Variants in PARD3B observed in about 807,000 individuals in gnomAD.
PARD3B encodes par-3 family cell polarity regulator beta.
In PARD3B, 103 loss-of-function variants were observed where a neutral mutation model predicts 130.2. That is an observed-to-expected ratio of 0.79 (90% CI 0.67 to 0.93). The LOEUF is 0.93. Among genes scored for constraint, PARD3B ranks in the 40% least tolerant of loss-of-function variants. PARD3B has a pLI of 0.00. For synonymous variants in PARD3B, 583 were observed against 553.2 expected (o/e 1.05, Z -0.76); for missense variants, 1,609 against 1,499.2 (o/e 1.07, Z -1.21).
intron 15 of PARD3B, among the ~76,000 whole-genome samples, chr2:205,201,714 G>A (rs562152390): frequency 1.3e-5 from 2 of 152,296 alleles, no homozygotes; most frequent in African/African-American, 2.4e-5. Flanking sequence ...GCCCATGCCT[G>A]TAATCCCAGC....
chr2:204,814,704 A>G (rs2043084242), intron 2 of PARD3B, among the ~76,000 whole-genome samples: 1 of 151,810 alleles, frequency 6.6e-6, no homozygotes, highest in South Asian at 2.1e-4. Flanking sequence ...TAGGCTTTTC[A>G]TGGATCCCTT....
intron 20 of PARD3B, among the ~76,000 whole-genome samples, chr2:205,447,431 G>A (rs2047943947): frequency 6.6e-6 from 1 of 152,224 alleles, no homozygotes; most frequent in Admixed American, 6.5e-5. Context: ...AGGCTGGAGT[G>A]CAATGGCACG....
intron 2 of PARD3B, among the ~76,000 whole-genome samples, chr2:204,930,305 C>T (rs149708756): frequency 1.2e-4 from 18 of 151,970 alleles, no homozygotes; most frequent in Non-Finnish European, 2.1e-4. Flanking sequence ...ATACCAAAAT[C>T]TGTGAATGCG....
chr2:205,541,977 T>C (rs950276829), intron 21 of PARD3B, among the ~76,000 whole-genome samples: 8 of 151,236 alleles, frequency 5.3e-5, no homozygotes, highest in African/African-American at 1.5e-4. Context: ...AACCTCATCT[T>C]TACTAAAAAT....
intron 2 of PARD3B, among the ~76,000 whole-genome samples, chr2:204,949,791 G>A (rs1689616363): frequency 6.6e-6 from 1 of 152,110 alleles, no homozygotes; most frequent in African/African-American, 2.4e-5. Context: ...TATAAATTAA[G>A]TCTATCTTAT....
chr2:205,276,424 A>G lies in PARD3B; in HGVS notation c.2186-24106A>G, dbSNP rs2040950973. 6.6e-6 allele frequency among the ~76,000 whole-genome samples: 1 copy of G among 152,230 alleles called. No individual in the cohort carries two copies. Among genetic ancestry groups the G allele is most frequent in the Admixed American group, 6.5e-5 (1 of 15,284 alleles). ...TCTTTTCTTATTTATCCTTAACAGA[A>G]GAAACAACAAGTAAATCTGGTGAAA... is the stretch of plus-strand genomic sequence containing the variant. On this transcript the variant is annotated intron_variant, in intron 16 of 22. Transcript: ENST00000406610. The surrounding 1 kb of genome is among the most constrained non-coding windows in gnomAD (Gnocchi z 5.0).
intron 1 of PARD3B, among the ~76,000 whole-genome samples, chr2:204,598,496 G>C (rs1375487204): frequency 6.6e-6 from 1 of 152,044 alleles, no homozygotes; most frequent in Non-Finnish European, 1.5e-5. Flanking sequence ...TTCCTCATCT[G>C]TAATATGGGG....
At chr2:204,900,031 G>A (rs2046801235) in intron 2 of PARD3B, among the ~76,000 whole-genome samples, 1 of 151,900 alleles carries the variant, frequency 6.6e-6, no homozygotes, top group African/African-American at 2.4e-5. Context: ...GATGCTTTTG[G>A]GATCCCCTCT....
chr2:204,938,090 A>G (rs1033401458), intron 2 of PARD3B, among the ~76,000 whole-genome samples: 1 of 152,188 alleles, frequency 6.6e-6, no homozygotes, highest in Non-Finnish European at 1.5e-5. Context: ...AACCATGCCT[A>G]CTACTTCTTG....
intron 2 of PARD3B, among the ~76,000 whole-genome samples, chr2:204,703,969 G>A (rs2038015755): frequency 6.6e-6 from 1 of 152,026 alleles, no homozygotes. Context: ...CTGTTACATA[G>A]TGTTGAAGTA....
chr2:205,301,684 C>G lies in PARD3B; in HGVS notation c.2613C>G (p.Gly871=). The G allele has an allele frequency of 3.7e-6, 6 of 1,614,010 alleles. No individual in the cohort carries two copies. The highest frequency in any genetic ancestry group is 5.1e-6 in the Non-Finnish European group (6 of 1,179,992). The change falls in exon 18 of 23, where the codon GGC becomes GGG. Residue 871 remains glycine (G), a synonymous_variant. Transcript: ENST00000406610. This position sits in a 1 kb window ranked among gnomAD's most constrained non-coding sequence, Gnocchi z 5.2. ...CAGAAAGGAAAATAAAGAAGAAGGG[C>G]TTCGGCGCCATGCTGAGGTATGGGC... ...EDPERKIKKK[G]FGAMLRFGKK...
Position 205,585,962 on chromosome 2 carries a change from G to A in PARD3B, c.3261-29494G>A, listed in dbSNP as rs1011580691. Reference sequence around the variant, plus strand: ...CAACAGTCCAGGCATTGGTTTCTGAGCTTTCAGAAGGCCAATGTGAGGAAA... The same window carrying A: ...CAACAGTCCAGGCATTGGTTTCTGAACTTTCAGAAGGCCAATGTGAGGAAA... On this transcript the variant is annotated intron_variant, in intron 22 of 22. Transcript: ENST00000406610. This position sits in a 1 kb window ranked among gnomAD's most constrained non-coding sequence, Gnocchi z 5.4. Among the ~76,000 whole-genome samples, 2 of 152,168 alleles carry A rather than the reference G, an allele frequency of 1.3e-5. No individual in the cohort carries two copies. The highest frequency in any genetic ancestry group is 4.8e-5 in the African/African-American group (2 of 41,434).
At chr2:205,553,287 A>G in intron 21 of PARD3B, 37 bp from the exon 22 acceptor site, 1 of 1,580,608 alleles carries the variant, frequency 6.3e-7, no homozygotes, top group Non-Finnish European at 8.7e-7. Flanking sequence ...CAAGGTGTAT[A>G]ATGGATCTTC....
chr2:205,467,558 G>A (rs2048671760), intron 20 of PARD3B, among the ~76,000 whole-genome samples: 1 of 151,342 alleles, frequency 6.6e-6, no homozygotes, highest in African/African-American at 2.5e-5. Context: ...ATATTTTCAA[G>A]ATTTGTTCAC....
rs187064197 is a variant in PARD3B at position 204,626,974 on chromosome 2, A to T, written c.121-59207A>T. On this transcript the variant is annotated intron_variant, in intron 1 of 22. Coordinates refer to ENST00000406610, the MANE Select transcript of PARD3B (RefSeq NM_001302769.2). ...ACCTGTAATCCCCACCTGTCAAGGG[A>T]GGGAGGTGATTGGATCACAGCGATG... Among the ~76,000 whole-genome samples, 17 of 152,200 alleles carry T rather than the reference A, an allele frequency of 1.1e-4. No individual in the cohort carries two copies. The East Asian group carries it at 2.1e-3, about 19-fold the overall frequency.
chr2:205,383,014 C>G (rs1341346757), intron 18 of PARD3B, among the ~76,000 whole-genome samples: 1 of 151,648 alleles, frequency 6.6e-6, no homozygotes, highest in Non-Finnish European at 1.5e-5. Context: ...GATCTGAGCT[C>G]TAGGAATACT....
chr2:204,824,886 T>C (rs968407882), intron 2 of PARD3B, among the ~76,000 whole-genome samples: 1 of 152,212 alleles, frequency 6.6e-6, no homozygotes, highest in Non-Finnish European at 1.5e-5. Context: ...TATTCAGAGC[T>C]GGCTGTAGCA....
At chr2:204,946,913 A>G (rs1171843817) in intron 2 of PARD3B, among the ~76,000 whole-genome samples, 3 of 152,190 alleles carry the variant, frequency 2.0e-5, no homozygotes, top group East Asian at 1.9e-4. Context: ...AAAAACAAAC[A>G]ACACCAAAAT....
chr2:205,364,606 C>A (rs534529389), intron 18 of PARD3B, among the ~76,000 whole-genome samples: 1 of 152,278 alleles, frequency 6.6e-6, no homozygotes, highest in South Asian at 2.1e-4. Flanking sequence ...GTTCACAACT[C>A]TTGAATATCG....
Sources: allele counts gnomAD v4.1 joint callset (sites outside exome capture counted in the v4.1 genomes callset), GRCh38; gene constraint gnomAD v4.1.1; non-coding constraint Gnocchi (gnomAD v3.1); transcripts MANE v1.5; gene names NCBI Gene and HGNC (gene_info 2026-07-23, HGNC 2026-07-21).